ADAMTS18: variants seen among roughly 807,000 people sequenced by gnomAD.
The protein encoded by ADAMTS18 is ADAM metallopeptidase with thrombospondin type 1 motif 18.
Under a neutral mutation model 165.9 loss-of-function variants are expected in ADAMTS18, and 157 were observed. That is an observed-to-expected ratio of 0.95 (90% CI 0.83 to 1.08). ADAMTS18 has a LOEUF of 1.08. Ranked by LOEUF, ADAMTS18 falls within the 50% of genes least tolerant of loss-of-function variation. The pLI, the probability that ADAMTS18 is intolerant of heterozygous loss-of-function variation, is 0.00. For missense variants in ADAMTS18, 2,040 were observed against 1,534.0 expected, an observed-to-expected ratio of 1.33 and a Z score of -5.51; for synonymous variants, 782 against 578.2, an observed-to-expected ratio of 1.35 and a Z score of -5.06.
At chr16:77,299,765 A>G (rs1170220360) in intron 17 of ADAMTS18, among the ~76,000 whole-genome samples, 1 of 152,218 alleles carries the variant, frequency 6.6e-6, no homozygotes, top group Non-Finnish European at 1.5e-5. Context: ...GATTTAATCC[A>G]TTCCTCTAGT....
chr16:77,417,736 A>G (rs553470619), intron 3 of ADAMTS18, among the ~76,000 whole-genome samples: 122 of 152,362 alleles, frequency 8.0e-4, no homozygotes, highest in African/African-American at 2.8e-3. Flanking sequence ...GCTAAAACTT[A>G]AAGTATAATA....
At chr16:77,343,660 G>A (rs1218516953) in intron 10 of ADAMTS18, among the ~76,000 whole-genome samples, 1 of 152,146 alleles carries the variant, frequency 6.6e-6, no homozygotes, top group Admixed American at 6.5e-5. Flanking sequence ...ACTACACTAG[G>A]CCTGGATTTG....
chr16:77,432,238 G>C (rs2057748706), intron 2 of ADAMTS18, among the ~76,000 whole-genome samples: 1 of 152,140 alleles, frequency 6.6e-6, no homozygotes, highest in African/African-American at 2.4e-5. Flanking sequence ...GCATTTTACT[G>C]TGAGCTTTCA....
intron 16 of ADAMTS18, among the ~76,000 whole-genome samples, chr16:77,305,815 T>C (rs1207146952): frequency 6.6e-6 from 1 of 152,198 alleles, no homozygotes; most frequent in Non-Finnish European, 1.5e-5. Flanking sequence ...TGGAGAGGTG[T>C]GCATAGAACC....
chr16:77,372,335 T>G (rs888980243), intron 3 of ADAMTS18, among the ~76,000 whole-genome samples: 5 of 152,212 alleles, frequency 3.3e-5, no homozygotes, highest in African/African-American at 1.2e-4. Context: ...ATTGCAGCAC[T>G]AGTCACAATA....
chr16:77,355,118 G>C (rs770421477), intron 9 of ADAMTS18, among the ~76,000 whole-genome samples: 20 of 151,860 alleles, frequency 1.3e-4, no homozygotes, highest in Non-Finnish European at 2.6e-4. Flanking sequence ...AATTCCCAAA[G>C]AAATTTCACT....
intron 12 of ADAMTS18, among the ~76,000 whole-genome samples, chr16:77,326,454 C>T: frequency 6.6e-6 from 1 of 152,190 alleles, no homozygotes. Flanking sequence ...GTGATCTTGG[C>T]TCACTGCTGC....
intron 3 of ADAMTS18, among the ~76,000 whole-genome samples, chr16:77,382,279 C>T (rs551533028): frequency 3.9e-5 from 6 of 152,274 alleles, no homozygotes; most frequent in Admixed American, 1.3e-4. Context: ...GGCGCGATCT[C>T]GGCTCACTGC....
intron 16 of ADAMTS18, among the ~76,000 whole-genome samples, chr16:77,318,403 G>A (rs76210306): frequency 0.045 from 6,858 of 152,266 alleles, 205 homozygotes; most frequent in African/African-American, 0.079. Context: ...GAGCCAGGAA[G>A]ACTTACGTTC....
intron 3 of ADAMTS18, among the ~76,000 whole-genome samples, chr16:77,369,917 G>A (rs1037610262): frequency 1.3e-5 from 2 of 152,248 alleles, no homozygotes; most frequent in African/African-American, 2.4e-5. Context: ...TCTCAGGGTT[G>A]CAATAGTTTA....
intron 10 of ADAMTS18, among the ~76,000 whole-genome samples, chr16:77,350,246 C>T (rs371364143): frequency 7.2e-5 from 11 of 152,082 alleles, no homozygotes; most frequent in Non-Finnish European, 1.2e-4. Context: ...TGGATGAGAA[C>T]AGAGATCAAG....
At chr16:77,412,428 G>T (rs182202143) in intron 3 of ADAMTS18, among the ~76,000 whole-genome samples, 1 of 152,136 alleles carries the variant, frequency 6.6e-6, no homozygotes, top group East Asian at 1.9e-4. Context: ...GGACTCAAGC[G>T]ATCCTCCTGC....
At chr16:77,315,274 G>T (rs2055866942) in intron 16 of ADAMTS18, among the ~76,000 whole-genome samples, 1 of 152,120 alleles carries the variant, frequency 6.6e-6, no homozygotes, top group South Asian at 2.1e-4. Context: ...GCACTTAGTG[G>T]GTTTCTCTGA....
chr16:77,423,678 T>C (rs2057633421), intron 3 of ADAMTS18, among the ~76,000 whole-genome samples: 1 of 152,186 alleles, frequency 6.6e-6, no homozygotes, highest in Non-Finnish European at 1.5e-5. Context: ...TGCTTCATCA[T>C]ACATGAATTG....
At chr16:77,337,908 C>CTTTCTTTTTT (rs1555514787) in intron 11 of ADAMTS18, among the ~76,000 whole-genome samples, 1 of 140,836 alleles carries the variant, frequency 7.1e-6, no homozygotes, top group African/African-American at 2.6e-5. Flanking sequence ...CTTTTCTTTT[C>CTTTCTTTTTT]TTTTTTTTTT....
At chr16:77,407,981 C>A (rs773033162) in intron 3 of ADAMTS18, among the ~76,000 whole-genome samples, 4 of 151,662 alleles carry the variant, frequency 2.6e-5, no homozygotes, top group Non-Finnish European at 5.9e-5. Flanking sequence ...AAAGGCATAC[C>A]AGGATGTACA....
chr16:77,354,644 C>T (rs2056602353), intron 9 of ADAMTS18, among the ~76,000 whole-genome samples: 1 of 151,622 alleles, frequency 6.6e-6, no homozygotes, highest in Non-Finnish European at 1.5e-5. Context: ...CAACCAAGAC[C>T]AAGTTATGTA....
chr16:77,379,517 C>G (rs1297936526), intron 3 of ADAMTS18, among the ~76,000 whole-genome samples: 1 of 152,116 alleles, frequency 6.6e-6, no homozygotes, highest in African/African-American at 2.4e-5. Context: ...GAGACAAAGT[C>G]TCACTCTGTC....
Position 77,302,584 on chromosome 16 carries a change from A to G in ADAMTS18, c.2533-2180T>C, listed in dbSNP as rs546672455. On this transcript the variant is annotated intron_variant, in intron 16 of 22. Transcript: ENST00000282849. ...ATTAACTTACTCAACTGCACTTTCT[A>G]GTATCACCCCATTCCTCCCATTCAA... Among the ~76,000 whole-genome samples, 1,065 of 152,322 alleles carry G rather than the reference A, an allele frequency of 7.0e-3. 7 individuals carry two copies. The highest frequency in any genetic ancestry group is 0.012 in the Non-Finnish European group (813 of 68,016).
Sources: gnomAD v4.1 joint callset for allele counts (sites outside exome capture counted in the v4.1 genomes callset) on GRCh38, gnomAD v4.1.1 for gene constraint, MANE v1.5 for transcripts, NCBI Gene and HGNC (gene_info 2026-07-23, HGNC 2026-07-21) for gene names.